The following ATG2B variants were observed in gnomAD, a reference collection of about 807,000 sequenced individuals.
ATG2B encodes autophagy-related protein 2 homolog B.
ATG2B carries 121 observed loss-of-function variants against 241.3 expected under a neutral mutation model. The ratio of observed to expected loss-of-function variants is 0.50; its 90% CI spans 0.43 to 0.58. ATG2B has a LOEUF of 0.58. Ranked by LOEUF, ATG2B falls within the 20% of genes least tolerant of loss-of-function variation. ATG2B has a pLI of 0.00. For missense variants in ATG2B, 2,306 were observed against 2,491.6 expected (o/e 0.93, Z 1.59); for synonymous variants, 858 against 876.6 (o/e 0.98, Z 0.37).
chr14:96,342,992 T>C (rs1436535624), intron 5 of ATG2B, 127 bp downstream of exon 5: 1 of 615,444 alleles, frequency 1.6e-6, no homozygotes, highest in African/African-American at 1.8e-5. Context: ...TTACTGAATA[T>C]TTGCATTAAA....
At chr14:96,295,598 A>T (rs757375233) in intron 34 of ATG2B, 38 bp from the exon 35 acceptor site, 23 of 1,350,310 alleles carry the variant, frequency 1.7e-5, no homozygotes, top group Middle Eastern at 3.8e-4. Flanking sequence ...AAGGAAGAAA[A>T]GAATCACCTA....
At chr14:96,310,118 T>C (rs1047687663) in intron 28 of ATG2B, among the ~76,000 whole-genome samples, 18 of 152,160 alleles carry the variant, frequency 1.2e-4, no homozygotes, top group African/African-American at 4.3e-4. Context: ...AACTGTAGAT[T>C]CATTAAACCC....
chr14:96,342,887 T>C (rs887109712), intron 5 of ATG2B, among the ~76,000 whole-genome samples: 5 of 152,122 alleles, frequency 3.3e-5, no homozygotes, highest in African/African-American at 1.2e-4. Context: ...TCCCCCAAGA[T>C]ACAGTACCCA....
intron 1 of ATG2B, among the ~76,000 whole-genome samples, chr14:96,358,246 G>A (rs1330196070): frequency 6.6e-6 from 1 of 152,026 alleles, no homozygotes; most frequent in Non-Finnish European, 1.5e-5. Context: ...GATCAGCCTG[G>A]GCAACATAGT....
intron 36 of ATG2B, among the ~76,000 whole-genome samples, chr14:96,294,747 T>C (rs1886582712): frequency 6.6e-6 from 1 of 152,040 alleles, no homozygotes; most frequent in Non-Finnish European, 1.5e-5. Context: ...TGCCAGAGAA[T>C]TGAAAGAGAG....
intron 34 of ATG2B, among the ~76,000 whole-genome samples, chr14:96,298,225 C>A (rs1344349161): frequency 6.6e-6 from 1 of 152,206 alleles, no homozygotes; most frequent in African/African-American, 2.4e-5. Flanking sequence ...CAATTTAAAA[C>A]CACAGTGTAC....
At chr14:96,318,504 C>G (rs1887375516) in intron 18 of ATG2B, among the ~76,000 whole-genome samples, 1 of 152,102 alleles carries the variant, frequency 6.6e-6, no homozygotes, top group African/African-American at 2.4e-5. Flanking sequence ...TCAGTTCTTT[C>G]CCTAGAAATA....
chr14:96,337,007 A>G (rs899705762), intron 6 of ATG2B, among the ~76,000 whole-genome samples: 1 of 152,094 alleles, frequency 6.6e-6, no homozygotes, highest in African/African-American at 2.4e-5. Context: ...CCAAGGAGGG[A>G]TTTCCGGAGA....
intron 13 of ATG2B, 54 bp from the exon 14 acceptor site, chr14:96,328,589 T>C: frequency 1.3e-6 from 2 of 1,556,448 alleles, no homozygotes; most frequent in South Asian, 1.2e-5. Context: ...AACTACTATA[T>C]AATTGGGTTA....
intron 33 of ATG2B, among the ~76,000 whole-genome samples, chr14:96,302,409 C>T (rs1886817070): frequency 6.6e-6 from 1 of 151,966 alleles, no homozygotes. Flanking sequence ...TATAGGAAAA[C>T]CCCAACTCCA....
intron 1 of ATG2B, among the ~76,000 whole-genome samples, chr14:96,362,535 A>G (rs1289742722): frequency 6.6e-6 from 1 of 152,154 alleles, no homozygotes; most frequent in Admixed American, 6.5e-5. Flanking sequence ...CCACGGACCT[A>G]TTGAGCCTGC....
intron 29 of ATG2B, among the ~76,000 whole-genome samples, chr14:96,308,251 T>TATATAC (rs1887031547): frequency 4.8e-5 from 1 of 20,936 alleles, no homozygotes; most frequent in Non-Finnish European, 1.1e-4. Context: ...TATATATATA[T>TATATAC]ACACACATAT....
chr14:96,334,103 C>T (rs897685294), intron 7 of ATG2B, among the ~76,000 whole-genome samples: 6 of 152,062 alleles, frequency 3.9e-5, no homozygotes, highest in African/African-American at 1.4e-4. Flanking sequence ...AAAATGTGTA[C>T]CACTTACTGT....
Position 96,317,860 on chromosome 14 carries a change from A to T in ATG2B, c.2880-5T>A, listed in dbSNP as rs200221360. ...AGTAGCAAGTCATTAAAGATCCTAT[A>T]AAGACAAAAGTTGAAAAATAAGTAC... On this transcript the variant is annotated splice_polypyrimidine_tract_variant and splice_region_variant and intron_variant, in intron 18 of 41. Transcript: ENST00000359933. The T allele has an allele frequency of 6.3e-7, 1 of 1,582,428 alleles. No individual in the cohort carries two copies. The highest frequency in any genetic ancestry group is 1.4e-5 in the African/African-American group (1 of 73,970).
In ATG2B at chr14:96,351,909, A is replaced by G. The variant is rs566414775; in HGVS notation, c.163-4568T>C. Among the ~76,000 whole-genome samples the G allele has an allele frequency of 9.9e-5, 15 of 151,526 alleles. No homozygotes were observed. The East Asian group carries it at 2.9e-3, about 29-fold the overall frequency. ...ACAGCAAGACCTTGTCTCAAAAAAA[A>G]AAAAAAGAAAAAAAAATTTTTATGC... is the stretch of plus-strand genomic sequence containing the variant. On this transcript the variant is annotated intron_variant, in intron 1 of 41. Transcript: ENST00000359933.
chr14:96,313,077 G>A lies in ATG2B; in HGVS notation c.3830C>T (p.Ser1277Phe), dbSNP rs748216576. 3.1e-5 allele frequency: 50 copies of A among 1,608,272 alleles called. No homozygotes were observed. The highest frequency in any genetic ancestry group is 3.8e-5 in the Non-Finnish European group (45 of 1,175,096). ...TTTACACAGGTACCTGAGAGTAGAG[G>A]AAGATTTATCCAATGCAACGCTACT... The part of the protein sequence containing the change: ...VSSSVALDKS[S>F]STLRIILDEA... Residue 1277 changes from serine to phenylalanine, a missense_variant, in exon 25 of 42, where the codon TCC becomes TTC. Physicochemically the swap from Ser to Phe is radical, Grantham distance 155. This residue lies in a region of ATG2B where 1,927 missense variants were observed against 2,011.2 expected (regional missense o/e 0.96). Coordinates refer to ENST00000359933, the MANE Select transcript of ATG2B (RefSeq NM_018036.7).
chr14:96,287,005 C>T (rs1006411269), intron 41 of ATG2B, among the ~76,000 whole-genome samples: 2 of 152,066 alleles, frequency 1.3e-5, no homozygotes, highest in Admixed American at 1.3e-4. Context: ...CCTGTAATCT[C>T]AGCACTTTAG....
rs199700811 is a variant in ATG2B, at chr14:96,285,947, C to A, written c.6045G>T (p.Ala2015=). The A allele has an allele frequency of 8.7e-6, 14 of 1,613,766 alleles. No homozygotes were observed. The Admixed American group carries it at 2.2e-4, about 25-fold the overall frequency. ...TDTAQTIYET[A]AREHESRGVT... is the part of the protein sequence containing the mutation. ...CCCCTCTGCTCTCGTGTTCTCGAGC[C>A]GCAGTTTCATAAATGGTCTGAGCCG... Residue 2015 remains alanine (A), a synonymous_variant, in exon 42 of 42, where the codon GCG becomes GCT. Transcript: ENST00000359933. This position sits in a 1 kb window ranked among gnomAD's most constrained non-coding sequence, Gnocchi z 4.2.
intron 1 of ATG2B, among the ~76,000 whole-genome samples, chr14:96,358,952 T>C (rs1311351914): frequency 6.6e-6 from 1 of 152,168 alleles, no homozygotes. Flanking sequence ...AAAGTGAAGG[T>C]AACACTCTAG....
Sources: gnomAD v4.1 joint callset for allele counts (sites outside exome capture counted in the v4.1 genomes callset) on GRCh38, gnomAD v4.1.1 for gene constraint, gnomAD v4.1.1 regional missense constraint, Gnocchi (gnomAD v3.1) non-coding constraint, MANE v1.5 for transcripts, NCBI Gene and HGNC (gene_info 2026-07-23, HGNC 2026-07-21) for gene names.